RASGRF2: variants seen among roughly 807,000 people sequenced by gnomAD.
The protein encoded by RASGRF2 is ras-specific guanine nucleotide-releasing factor 2.
In RASGRF2, 76 loss-of-function variants were observed where a neutral mutation model predicts 151.0. The ratio of observed to expected loss-of-function variants is 0.50; its 90% confidence interval spans 0.42 to 0.61. RASGRF2 has a LOEUF of 0.61. Among genes scored for constraint, RASGRF2 ranks in the 20% least tolerant of loss-of-function variants. The probability of loss-of-function intolerance (pLI) is 0.00; values close to 1 mark genes in which losing one functional copy is unlikely to be tolerated. For missense variants in RASGRF2, 1,148 were observed against 1,564.6 expected (o/e 0.73, Z 4.49); for synonymous variants, 504 against 566.5 (o/e 0.89, Z 1.57).
At chr5:80,975,449 A>G (rs1013303766) in intron 1 of RASGRF2, among the ~76,000 whole-genome samples, 32 of 152,168 alleles carry the variant, frequency 2.1e-4, no homozygotes, top group Non-Finnish European at 2.8e-4. Context: ...GTTTAAAAGC[A>G]TATGAAACTC....
At chr5:81,105,913 A>C (rs1183336976) in intron 12 of RASGRF2, among the ~76,000 whole-genome samples, 1 of 152,220 alleles carries the variant, frequency 6.6e-6, no homozygotes, top group Non-Finnish European at 1.5e-5. Flanking sequence ...ACTCATCTTC[A>C]AACTCTTTCA....
At chr5:80,998,883 T>C (rs78118255) in intron 1 of RASGRF2, among the ~76,000 whole-genome samples, 4,258 of 152,240 alleles carry the variant, frequency 0.028, 208 homozygotes, top group African/African-American at 0.094. Context: ...GCTGTGTACA[T>C]CTGCTGAAAA....
At position 81,208,338 on chromosome 5, in the gene RASGRF2, T is replaced by C. The variant is rs1336007064; in HGVS notation, c.3072-16T>C. 1 of 1,609,686 alleles carries C rather than the reference T, an allele frequency of 6.2e-7. No individual in the cohort carries two copies. The highest frequency in any genetic ancestry group is 1.3e-5 in the African/African-American group (1 of 74,798). Reference sequence around the variant, plus strand: ...TAAAAACTTAATTGGTTTTGTGTTTTGTTTTGAACTTCCAGGGAGTTTCTT... The same window carrying C: ...TAAAAACTTAATTGGTTTTGTGTTTCGTTTTGAACTTCCAGGGAGTTTCTT... On this transcript the variant is annotated splice_polypyrimidine_tract_variant and intron_variant, in intron 21 of 26. Coordinates refer to ENST00000265080, the MANE Select transcript of RASGRF2 (RefSeq NM_006909.3).
At chr5:81,010,857 C>T (rs555459730) in intron 1 of RASGRF2, among the ~76,000 whole-genome samples, 8 of 152,286 alleles carry the variant, frequency 5.3e-5, no homozygotes, top group Admixed American at 4.6e-4. Context: ...GCTTCATGTT[C>T]TTTTATTTAC....
chr5:80,978,695 G>C (rs1322054588), intron 1 of RASGRF2, among the ~76,000 whole-genome samples: 1 of 152,092 alleles, frequency 6.6e-6, no homozygotes, highest in Non-Finnish European at 1.5e-5. Context: ...GCTGAGGTGG[G>C]AGAATCACGT....
At chr5:81,149,354 A>G (rs984883709) in intron 17 of RASGRF2, among the ~76,000 whole-genome samples, 3 of 152,246 alleles carry the variant, frequency 2.0e-5, no homozygotes, top group African/African-American at 7.2e-5. Context: ...GGAGGCCATT[A>G]TTCTAAGTGA....
At chr5:81,123,612 G>T in intron 15 of RASGRF2, 30 bp from the exon 16 acceptor site, 1 of 1,602,022 alleles carries the variant, frequency 6.2e-7, no homozygotes. Flanking sequence ...TCATGGCCTG[G>T]TTGTTAAAAT....
intron 12 of RASGRF2, among the ~76,000 whole-genome samples, chr5:81,105,488 G>T (rs1009928603): frequency 6.6e-6 from 1 of 152,152 alleles, no homozygotes; most frequent in African/African-American, 2.4e-5. Context: ...AGTTTAAGTG[G>T]TCTCCCCATT....
intron 1 of RASGRF2, among the ~76,000 whole-genome samples, chr5:80,994,858 A>G (rs888209550): frequency 3.3e-5 from 5 of 152,244 alleles, no homozygotes; most frequent in Non-Finnish European, 7.3e-5. Flanking sequence ...TATAGACAAG[A>G]AAATTTATCC....
At chr5:81,168,639 A>G (rs1392439017) in intron 17 of RASGRF2, among the ~76,000 whole-genome samples, 11 of 152,070 alleles carry the variant, frequency 7.2e-5, no homozygotes, top group Non-Finnish European at 1.3e-4. Flanking sequence ...CCATTTTACC[A>G]GCTATGGCTC....
intron 2 of RASGRF2, among the ~76,000 whole-genome samples, chr5:81,055,705 G>C (rs1751180839): frequency 6.6e-6 from 1 of 152,168 alleles, no homozygotes; most frequent in African/African-American, 2.4e-5. Flanking sequence ...AGAAGGAATG[G>C]TACCAGCTCC....
chr5:81,018,096 G>A lies in RASGRF2; in HGVS notation c.289-24781G>A, dbSNP rs572311327. 7.3e-5 allele frequency among the ~76,000 whole-genome samples: 11 copies of A among 151,372 alleles called. No individual in the cohort carries two copies. In the South Asian group the frequency reaches 1.9e-3, roughly 26 times the overall value. On this transcript the variant is annotated intron_variant, in intron 1 of 26. Transcript: ENST00000265080. ...TGCACTCCAGCCTGGATGACAGAGC[G>A]AGACTGTCTCAAAAAAAAAAGAAAG...
chr5:81,131,175 G>A (rs1026680358), intron 17 of RASGRF2, among the ~76,000 whole-genome samples: 1 of 152,110 alleles, frequency 6.6e-6, no homozygotes, highest in Non-Finnish European at 1.5e-5. Context: ...CAATACAAGG[G>A]AGGACAGCAA....
intron 12 of RASGRF2, among the ~76,000 whole-genome samples, chr5:81,096,800 C>G (rs188272828): frequency 1.3e-5 from 2 of 152,066 alleles, no homozygotes; most frequent in Non-Finnish European, 2.9e-5. Flanking sequence ...TCTGCTTATA[C>G]TAGATGTTAA....
chr5:81,112,595 T>A lies in RASGRF2; in HGVS notation c.1839-15T>A. 6.2e-7 allele frequency: 1 copy of A among 1,613,816 alleles called. No homozygotes were observed. The highest frequency in any genetic ancestry group is 8.5e-7 in the Non-Finnish European group (1 of 1,179,694). ...CCTCCTGGTTTTACCATCATGTTCC[T>A]GCCTTTGCACGTAGGTCTGATGCCC... On this transcript the variant is annotated splice_polypyrimidine_tract_variant and intron_variant, in intron 13 of 26. Coordinates refer to ENST00000265080, the MANE Select transcript of RASGRF2 (RefSeq NM_006909.3).
intron 17 of RASGRF2, among the ~76,000 whole-genome samples, chr5:81,140,308 G>A (rs1753852906): frequency 6.6e-6 from 1 of 151,910 alleles, no homozygotes; most frequent in African/African-American, 2.4e-5. Flanking sequence ...ATCCTAGTTT[G>A]GGACATATTT....
chr5:81,194,270 T>C (rs1221783458), intron 18 of RASGRF2, among the ~76,000 whole-genome samples: 2 of 151,422 alleles, frequency 1.3e-5, no homozygotes, highest in African/African-American at 4.9e-5. Context: ...GTGGCGGGAA[T>C]CCCTTGAGCC....
chr5:81,183,245 A>G (rs1336471814), intron 18 of RASGRF2: 1 of 979,576 alleles, frequency 1.0e-6, no homozygotes, highest in African/African-American at 1.8e-5. Context: ...ATGTAGATTT[A>G]CCCACAGATC....
At chr5:81,176,819 TG>T (rs1462625494) in intron 17 of RASGRF2, among the ~76,000 whole-genome samples, 4 of 152,194 alleles carry the variant, frequency 2.6e-5, no homozygotes, top group African/African-American at 9.7e-5. Flanking sequence ...CTGCAGGAAG[TG>T]GGCTGTGATT....
Sources: gnomAD v4.1 joint callset for allele counts (sites outside exome capture counted in the v4.1 genomes callset) on GRCh38, gnomAD v4.1.1 for gene constraint, MANE v1.5 for transcripts, NCBI Gene and HGNC (gene_info 2026-07-23, HGNC 2026-07-21) for gene names.